Variants in KCP observed in about 807,000 individuals in gnomAD.
The protein encoded by KCP is kielin cysteine rich BMP regulator, also known as kielin/chordin-like protein.
Under a neutral mutation model 212.7 loss-of-function variants are expected in KCP, and 194 were observed. That is an observed-to-expected ratio of 0.91 (90% CI 0.81 to 1.03). KCP has a LOEUF of 1.03. Among genes scored for constraint, KCP ranks in the 50% least tolerant of loss-of-function variants. The pLI is 0.00. For synonymous variants in KCP, 833 were observed against 865.3 expected, an observed-to-expected ratio of 0.96 and a Z score of 0.65; for missense variants, 2,080 against 2,162.5, an observed-to-expected ratio of 0.96 and a Z score of 0.76.
Position 128,887,266 on chromosome 7 carries a change from T to C in KCP, c.2547A>G (p.Gly849=), listed in dbSNP as rs1793712995. 6.4e-7 allele frequency: 1 copy of C among 1,551,240 alleles called. No homozygotes were observed. The highest frequency in any genetic ancestry group is 8.7e-7 in the Non-Finnish European group (1 of 1,146,824). ...GGTCAAGTGGGTCAGGAAGGGTCTC[T>C]CCGGAGGCAGTAGTGACGCCATGGT... ...CRYHGVTTAS[G]ETLPDPLDPT... is the part of the protein sequence containing the mutation. Residue 849 remains glycine, a synonymous_variant, in exon 23 of 40, where the codon GGA becomes GGG. Transcript: ENST00000610776.
At chr7:128,883,125 A>G (rs1186955719) in intron 29 of KCP, among the ~76,000 whole-genome samples, 1 of 151,938 alleles carries the variant, frequency 6.6e-6, no homozygotes, top group Admixed American at 6.6e-5. Context: ...TCATTAAAAA[A>G]AAAAGTATGT....
chr7:128,885,720 C>G (rs1269006656), intron 26 of KCP, among the ~76,000 whole-genome samples: 1 of 152,158 alleles, frequency 6.6e-6, no homozygotes, highest in Admixed American at 6.5e-5. Flanking sequence ...AATGCTATGA[C>G]AGTTCTGTGG....
At chr7:128,888,685 CAT>C (rs1175579437) in intron 22 of KCP, among the ~76,000 whole-genome samples, 176 bp downstream of exon 22, 1 of 151,974 alleles carries the variant, frequency 6.6e-6, no homozygotes, top group Non-Finnish European at 1.5e-5. Flanking sequence ...TACACACACA[CAT>C]ACATACAAAC....
At chr7:128,907,899 C>T (rs543898478) in intron 2 of KCP, among the ~76,000 whole-genome samples, 4 of 152,184 alleles carry the variant, frequency 2.6e-5, no homozygotes, top group South Asian at 2.1e-4. Flanking sequence ...GAGGCTGAGG[C>T]GGGCAGATCA....
rs1361376988 is a variant in KCP, at chr7:128,878,651, G to A, written c.4218C>T (p.Leu1406=). ...GGGCAAAGCCATTGAAGTTCCCACAGAGCCCACAAGTCCGGCCCTGGTAGG... is the reference window on the plus strand; with the variant it reads ...GGGCAAAGCCATTGAAGTTCCCACAAAGCCCACAAGTCCGGCCCTGGTAGG... ...PGSYQGRTCG[L]CGNFNGFAQD... The change falls in exon 38 of 40, where the codon CTC becomes CTT. Residue 1406 remains leucine (L), a synonymous_variant. Coordinates refer to ENST00000610776, the MANE Select transcript of KCP (RefSeq NM_001366122.1). 1 of 1,551,340 alleles carries A rather than the reference G, an allele frequency of 6.4e-7. No individual in the cohort carries two copies. Among genetic ancestry groups the A allele is most frequent in the Non-Finnish European group, 8.7e-7 (1 of 1,146,978 alleles).
chr7:128,879,857 A>G lies in KCP; in HGVS notation c.3933-28T>C, dbSNP rs561915763. 7.9e-5 allele frequency: 123 copies of G among 1,551,046 alleles called. 1 individual carries two copies. The highest frequency in any genetic ancestry group is 6.3e-4 in the South Asian group (53 of 84,054). The stretch of plus-strand genomic sequence containing the variant: ...GTGGGCAGGAAAGTCCCAGGTGCCA[A>G]TGGTCAGCAGGGCTGGGTGTAGGGG... On this transcript the variant is annotated intron_variant, in intron 35 of 39. Transcript: ENST00000610776.
intron 5 of KCP, among the ~76,000 whole-genome samples, chr7:128,905,353 T>C (rs1795071196): frequency 6.6e-6 from 1 of 152,212 alleles, no homozygotes; most frequent in African/African-American, 2.4e-5. Flanking sequence ...TTGCTAAATC[T>C]GGCAACACTA....
chr7:128,886,774 C>G (rs1481276626), intron 24 of KCP, 37 bp from the exon 25 acceptor site: 1 of 1,538,546 alleles, frequency 6.5e-7, no homozygotes, highest in Non-Finnish European at 8.8e-7. Flanking sequence ...GGGGCCTGTG[C>G]CACCCTGCCC....
At position 128,886,543 on chromosome 7, in the gene KCP, G is replaced by A. The variant is rs1485777008; in HGVS notation, c.2787C>T (p.Ser929=). 6.4e-7 allele frequency: 1 copy of A among 1,551,094 alleles called. No homozygotes were observed. Among genetic ancestry groups the A allele is most frequent in the Admixed American group, 2.0e-5 (1 of 50,974 alleles). ...EWCRCQAGQV[S]CVRLQCPPLP... Reference sequence around the variant, plus strand: ...GGGGTGGGCACTGCAGCCGCACACAGCTGACCTGGCCAGCCTGTAGGAGAT... The same window carrying A: ...GGGGTGGGCACTGCAGCCGCACACAACTGACCTGGCCAGCCTGTAGGAGAT... Residue 929 remains serine, a synonymous_variant, in exon 26 of 40, where the codon AGC becomes AGT. Transcript: ENST00000610776.
Position 128,887,269 on chromosome 7 carries a change from G to C in KCP, c.2544C>G (p.Ser848=), listed in dbSNP as rs772767485. Residue 848 remains serine (S), a synonymous_variant, in exon 23 of 40, where the codon TCC becomes TCG. Coordinates refer to ENST00000610776, the MANE Select transcript of KCP (RefSeq NM_001366122.1). ...GCRYHGVTTA[S]GETLPDPLDP... is the part of the protein sequence containing the mutation. ...CAAGTGGGTCAGGAAGGGTCTCTCC[G>C]GAGGCAGTAGTGACGCCATGGTAGC... 3 of 1,551,388 alleles carry C rather than the reference G, an allele frequency of 1.9e-6. No homozygotes were observed. The highest frequency in any genetic ancestry group is 2.4e-5 in the South Asian group (2 of 84,058).
In KCP at chr7:128,890,481, C is replaced by T. The variant is rs1010084373; in HGVS notation, c.2197G>A (p.Gly733Arg). ...CLYQGKEFASGERFPSPTAAC... is the reference protein window; with the variant it reads ...CLYQGKEFASRERFPSPTAAC... ...GCAGTGGGCGATGGGAAGCGCTCCC[C>T]GCTGGCAAACTCCTTCCCCTGGTAC... is the stretch of plus-strand genomic sequence containing the variant. Residue 733 changes from glycine (G) to arginine (R), a missense_variant, in exon 21 of 40, where the codon GGG (glycine) becomes AGG (arginine). By Grantham distance (125) the Gly-to-Arg change is moderately radical. Transcript: ENST00000610776. 8 of 1,550,172 alleles carry T rather than the reference C, an allele frequency of 5.2e-6. No homozygotes were observed. Among genetic ancestry groups the T allele is most frequent in the East Asian group, 4.9e-5 (2 of 40,906 alleles).
chr7:128,892,872 G>C lies in KCP; in HGVS notation c.1417C>G (p.Pro473Ala). Reference sequence around the variant, plus strand: ...CAGGATCAGCCCAGGCACTCACCAGGGGGCTGGGTGGGGTGCTGGCAGGGG... The same window carrying C: ...CAGGATCAGCCCAGGCACTCACCAGCGGGCTGGGTGGGGTGCTGGCAGGGG... ...PAPCQHPTQPPGACCPSCDSC... is the reference protein window; with the variant it reads ...PAPCQHPTQPAGACCPSCDSC... Residue 473 changes from proline to alanine, a missense_variant, in exon 14 of 40, where the codon CCT becomes GCT. Physicochemically the swap from Pro to Ala is conservative, Grantham distance 27. Transcript: ENST00000610776. 1.3e-6 allele frequency: 2 copies of C among 1,550,868 alleles called. No individual in the cohort carries two copies. Among genetic ancestry groups the C allele is most frequent in the Middle Eastern group, 3.3e-4 (2 of 5,984 alleles).
Position 128,891,268 on chromosome 7 carries a change from A to C in KCP, c.1889T>G (p.Val630Gly). ...CACGCAGCGGCGGGCCAGGCACTGC[A>C]CGTTGCCGCTCTACGGACCGACAGA... ...CRLCRCLSGN[V>G]QCLARRCVPL... The change falls in exon 19 of 40, where the codon GTG becomes GGG. Residue 630 changes from valine (V) to glycine (G), a missense_variant. Physicochemically the swap from Val to Gly is moderately radical, Grantham distance 109. Coordinates refer to ENST00000610776, the MANE Select transcript of KCP (RefSeq NM_001366122.1). 1.3e-6 allele frequency: 2 copies of C among 1,547,240 alleles called. No individual in the cohort carries two copies. The highest frequency in any genetic ancestry group is 1.7e-6 in the Non-Finnish European group (2 of 1,146,670).
chr7:128,896,752 G>A (rs189885238), intron 8 of KCP, among the ~76,000 whole-genome samples: 75 of 152,112 alleles, frequency 4.9e-4, no homozygotes, highest in African/African-American at 1.8e-3. Flanking sequence ...TTAGCTGGGC[G>A]TGGTGGCACA....
rs923080000 is a variant in KCP at position 128,893,979 on chromosome 7, A to G, written c.1002T>C (p.Cys334=). 7 of 1,549,896 alleles carry G rather than the reference A, an allele frequency of 4.5e-6. No homozygotes were observed. The Admixed American group carries it at 9.8e-5, about 22-fold the overall frequency. Reference sequence around the variant, plus strand: ...CCTGCCAGGCAGCCACACTCACAGCACAGCGGCAGTGCGAGCAGGGGTCCC... The same window carrying G: ...CCTGCCAGGCAGCCACACTCACAGCGCAGCGGCAGTGCGAGCAGGGGTCCC... The part of the protein sequence containing the change: ...GSGDPCSHCR[C]ANGSVQCEPL... Residue 334 remains cysteine, a synonymous_variant, in exon 10 of 40, where the codon TGT becomes TGC. Coordinates refer to ENST00000610776, the MANE Select transcript of KCP (RefSeq NM_001366122.1).
chr7:128,891,530 C>T lies in KCP; in HGVS notation c.1799G>A (p.Cys600Tyr), dbSNP rs751845557. Residue 600 changes from cysteine to tyrosine, a missense_variant, in exon 18 of 40, where the codon TGT becomes TAT. Cys to Tyr is a radical substitution (Grantham distance 194). Transcript: ENST00000610776. ...GTCCPNDCSG[C>Y]AFGGKEYPSG... Reference sequence around the variant, plus strand: ...GGGGTACTCTTTCCCGCCAAAGGCACAGCCTGGGGGAGGGAGGGGCTATAG... The same window carrying T: ...GGGGTACTCTTTCCCGCCAAAGGCATAGCCTGGGGGAGGGAGGGGCTATAG... The T allele has an allele frequency of 2.0e-5, 31 of 1,548,868 alleles. 1 individual carries two copies. Among genetic ancestry groups the T allele is most frequent in the South Asian group, 1.1e-4 (9 of 84,024 alleles).
intron 5 of KCP, 197 bp from the exon 6 acceptor site, chr7:128,904,335 A>C: frequency 1.3e-6 from 2 of 1,551,910 alleles, no homozygotes; most frequent in Non-Finnish European, 1.7e-6. Flanking sequence ...CTCTCCAAGC[A>C]GTTGAGCTCT....
chr7:128,881,561 G>T, intron 31 of KCP, 65 bp downstream of exon 31: 1 of 1,186,718 alleles, frequency 8.4e-7, no homozygotes, highest in Non-Finnish European at 1.1e-6. Flanking sequence ...GCCCATGAAT[G>T]CCTCCCCTTC....
rs1220654824 is a variant in KCP, at chr7:128,907,093, G to C, written c.486+8C>G. ...TGAGGGATATCCAGGTAGGTCCTGG[G>C]AGCTTACCAGACAGCGGCAGGTGGT... On this transcript the variant is annotated splice_region_variant and intron_variant, in intron 4 of 39. Coordinates refer to ENST00000610776, the MANE Select transcript of KCP (RefSeq NM_001366122.1). 1 of 1,550,818 alleles carries C rather than the reference G, an allele frequency of 6.4e-7. No individual in the cohort carries two copies. Among genetic ancestry groups the C allele is most frequent in the Non-Finnish European group, 8.7e-7 (1 of 1,146,740 alleles).
Sources: allele counts gnomAD v4.1 joint callset (sites outside exome capture counted in the v4.1 genomes callset), GRCh38; gene constraint gnomAD v4.1.1; transcripts MANE v1.5; gene names NCBI Gene and HGNC (gene_info 2026-07-23, HGNC 2026-07-21).